RPS3: variants seen among roughly 807,000 people sequenced by gnomAD.
The protein encoded by RPS3 is small ribosomal subunit protein uS3.
A neutral mutation model predicts 25.8 loss-of-function variants in RPS3; 2 were observed. The ratio of observed to expected loss-of-function variants is 0.08; its 90% CI spans 0.03 to 0.24. The LOEUF (loss-of-function observed/expected upper bound fraction) is 0.24. RPS3 is among the 10% of genes least tolerant of loss of function. The pLI, the probability that RPS3 is intolerant of heterozygous loss-of-function variation, is 1.00. For missense variants in RPS3, 107 were observed against 307.1 expected (o/e 0.35, Z 4.87); for synonymous variants, 114 against 114.2 (o/e 1.00, Z 0.01).
In RPS3 at chr11:75,401,665, G is replaced by A; in HGVS notation, c.187G>A (p.Gly63Ser). The A allele has an allele frequency of 6.2e-7, 1 of 1,613,284 alleles. No individual in the cohort carries two copies. ...AACACAGAATGTTCTTGGTGAGAAG[G>A]GCCGGCGGATTCGGGAACTGACTGC... ...TRTQNVLGEK[G>S]RRIRELTAVV... The change falls in exon 3 of 7, where the codon GGC becomes AGC. Residue 63 changes from glycine to serine, a missense_variant. By Grantham distance (56) the Gly-to-Ser change is moderately conservative. This residue lies in a region of RPS3 where 81 missense variants were observed against 286.8 expected (regional missense o/e 0.28). Transcript: ENST00000531188.
chr11:75,418,280 TCTTA>T (rs943082178), intron 6 of RPS3, among the ~76,000 whole-genome samples: 3 of 151,774 alleles, frequency 2.0e-5, no homozygotes, highest in Non-Finnish European at 2.9e-5. Context: ...GTGTCCTAAT[TCTTA>T]CTTTGTTCTG....
chr11:75,414,366 CT>C (rs1292086018), intron 6 of RPS3, among the ~76,000 whole-genome samples: 1 of 152,220 alleles, frequency 6.6e-6, no homozygotes. Flanking sequence ...AATCCCAGCA[CT>C]TTGGGAGGCC....
intron 3 of RPS3, 154 bp downstream of exon 3, chr11:75,401,887 C>A: frequency 1.6e-6 from 1 of 606,120 alleles, no homozygotes; most frequent in Admixed American, 3.2e-5. Flanking sequence ...ACTTTGTAAG[C>A]CTATTCTGCT....
At chr11:75,407,682 G>C (rs552200326), downstream of RPS3, among the ~76,000 whole-genome samples, 54 of 152,034 alleles carry the variant, frequency 3.6e-4, no homozygotes, top group Non-Finnish European at 6.3e-4. Flanking sequence ...GTGTTAGCCA[G>C]GATGGTCTCG....
chr11:75,417,873 G>A (rs1948411973), intron 6 of RPS3, among the ~76,000 whole-genome samples: 1 of 152,248 alleles, frequency 6.6e-6, no homozygotes, highest in South Asian at 2.1e-4. Context: ...GGGGATGCTG[G>A]GGTCTTGGGA....
chr11:75,414,503 A>G lies in RPS3; in HGVS notation c.*4-7224A>G, dbSNP rs369071927. On this transcript the variant is annotated intron_variant, in intron 6 of 6. Coordinates refer to the RPS3 transcript ENST00000527446. The stretch of plus-strand genomic sequence containing the variant: ...GTGGACGCCTGTAGTCCCAGCTACT[A>G]GGGAGGCTGAGGCAGGAGAATGGCA... 1.1e-3 allele frequency among the ~76,000 whole-genome samples: 174 copies of G among 152,158 alleles called. 4 individuals carry two copies. The highest frequency in any genetic ancestry group is 3.8e-3 in the African/African-American group (159 of 41,554).
In RPS3 at chr11:75,404,646, G is replaced by T. The variant is rs765188011; in HGVS notation, c.539-26G>T. On this transcript the variant is annotated intron_variant, in intron 5 of 6. Transcript: ENST00000531188. This position sits in a 1 kb window ranked among gnomAD's most constrained non-coding sequence, Gnocchi z 4.6. ...TGGGGGCCTTTGAGACCCCAGCTGTGTGCTAACAACTGTGGTGTCCTCTAG... is the reference window on the plus strand; with the variant it reads ...TGGGGGCCTTTGAGACCCCAGCTGTTTGCTAACAACTGTGGTGTCCTCTAG... 6.3e-7 allele frequency: 1 copy of T among 1,595,802 alleles called. No homozygotes were observed. The highest frequency in any genetic ancestry group is 1.1e-5 in the South Asian group (1 of 89,758).
At chr11:75,408,277 T>TG (rs2035722548), downstream of RPS3, among the ~76,000 whole-genome samples, 1 of 152,018 alleles carries the variant, frequency 6.6e-6, no homozygotes. Flanking sequence ...CCAAGGCAGG[T>TG]GGATCACTTG....
downstream of RPS3, among the ~76,000 whole-genome samples, chr11:75,409,950 C>T (rs1323291187): frequency 2.7e-5 from 4 of 146,680 alleles, no homozygotes; most frequent in East Asian, 4.2e-4. Context: ...GCTGACCCCC[C>T]CACCTCCCTC....
Position 75,404,575 on chromosome 11 carries a change from C to A in RPS3, c.539-97C>A. On this transcript the variant is annotated intron_variant, in intron 5 of 6. Transcript: ENST00000531188. This position sits in a 1 kb window ranked among gnomAD's most constrained non-coding sequence, Gnocchi z 4.6. ...GCATTTGTCTGAGAAGGGTCCAGAC[C>A]CAGGGGTGCTTGAGTAAACTGCTTG... 8.3e-7 allele frequency: 1 copy of A among 1,205,582 alleles called. No homozygotes were observed. 74.7% of individuals were successfully genotyped at this position (1,205,582 alleles called of 1,614,324 possible).
intron 6 of RPS3, among the ~76,000 whole-genome samples, chr11:75,414,468 AG>A (rs1442862323): frequency 2.6e-5 from 4 of 152,134 alleles, no homozygotes; most frequent in African/African-American, 9.7e-5. Context: ...AAAATTAGCC[AG>A]GCGTGGTGGT....
At position 75,404,433 on chromosome 11, in the gene RPS3, C is replaced by T; in HGVS notation, c.538+226C>T. ...CCATCTGTGTACCCTTCAGTGATGA[C>T]ACGATGACGAGTCAGAAAGGTCACG... On this transcript the variant is annotated intron_variant, in intron 5 of 6. Coordinates refer to ENST00000531188, the MANE Select transcript of RPS3 (RefSeq NM_001005.5). This position sits in a 1 kb window ranked among gnomAD's most constrained non-coding sequence, Gnocchi z 4.6. The T allele has an allele frequency of 1.3e-6, 1 of 784,712 alleles. No individual in the cohort carries two copies. Among genetic ancestry groups the T allele is most frequent in the South Asian group, 1.4e-5 (1 of 74,046 alleles). The allele number at this position is 784,712 out of a possible 1,614,324, so 48.6% of individuals were successfully genotyped here.
downstream of RPS3, among the ~76,000 whole-genome samples, chr11:75,408,765 C>T (rs954235380): frequency 5.9e-5 from 9 of 152,186 alleles, no homozygotes; most frequent in Middle Eastern, 3.4e-3. Context: ...AGGCTGGTCT[C>T]GAACTCCTGA....
chr11:75,401,603 T>G (rs1380582676), intron 2 of RPS3, 37 bp from the exon 3 acceptor site: 1 of 1,334,634 alleles, frequency 7.5e-7, no homozygotes, highest in East Asian at 2.3e-5. Flanking sequence ...ACATCTAGCA[T>G]TTGTGAGAAT....
chr11:75,415,679 G>T (rs1012927355), intron 6 of RPS3, among the ~76,000 whole-genome samples: 3 of 152,116 alleles, frequency 2.0e-5, no homozygotes, highest in African/African-American at 7.2e-5. Context: ...GGTGGTGGGT[G>T]CCTGTAATTC....
intron 3 of RPS3, chr11:75,402,002 A>G: frequency 1.8e-6 from 1 of 547,356 alleles, no homozygotes; most frequent in Non-Finnish European, 3.2e-6. Flanking sequence ...CAAAGGAGCC[A>G]GGGTGGGAGG....
At chr11:75,421,451 G>C (rs1344029510) in intron 6 of RPS3, among the ~76,000 whole-genome samples, 2 of 152,172 alleles carry the variant, frequency 1.3e-5, no homozygotes, top group Non-Finnish European at 2.9e-5. Context: ...CGCAGAATCT[G>C]TCTATGGTGT....
In RPS3 at chr11:75,401,739, T is replaced by C. The variant is rs141402276; in HGVS notation, c.255+6T>C. 4.1e-4 allele frequency: 628 copies of C among 1,537,874 alleles called. 3 individuals carry two copies. In the African/African-American group the frequency reaches 7.8e-3, roughly 19 times the overall value. On this transcript the variant is annotated splice_donor_region_variant and intron_variant, in intron 3 of 6. Transcript: ENST00000531188. ...TTCCAGAGGGCAGTGTAGAGGTGAG[T>C]GATTCTGGCATATGCCAGAGGTAAT...
At chr11:75,410,631 G>A (rs1948346659), downstream of RPS3, among the ~76,000 whole-genome samples, 1 of 152,264 alleles carries the variant, frequency 6.6e-6, no homozygotes, top group African/African-American at 2.4e-5. Context: ...GGGAGGCCAA[G>A]GCAGGCGGCT....
Sources: gnomAD v4.1 joint callset for allele counts (sites outside exome capture counted in the v4.1 genomes callset) on GRCh38, gnomAD v4.1.1 for gene constraint, gnomAD v4.1.1 regional missense constraint, Gnocchi (gnomAD v3.1) non-coding constraint, MANE v1.5 for transcripts, NCBI Gene and HGNC (gene_info 2026-07-23, HGNC 2026-07-21) for gene names.